CCDC7: variants seen among roughly 807,000 people sequenced by gnomAD.
CCDC7 encodes the protein coiled-coil domain containing 7.
In CCDC7, 183 loss-of-function variants were observed where a neutral mutation model predicts 196.9. The observed-to-expected ratio is 0.93, with a 90% CI of 0.82 to 1.05. The LOEUF is 1.05. Among genes scored for constraint, CCDC7 ranks in the 50% least tolerant of loss-of-function variants. The pLI, the probability that CCDC7 is intolerant of heterozygous loss-of-function variation, is 0.00. For missense variants in CCDC7, 1,540 were observed against 1,482.2 expected (o/e 1.04, Z -0.64); for synonymous variants, 525 against 484.6 (o/e 1.08, Z -1.10).
chr10:32,641,228 A>G (rs2066740213), intron 20 of CCDC7, among the ~76,000 whole-genome samples: 1 of 152,260 alleles, frequency 6.6e-6, no homozygotes, highest in South Asian at 2.1e-4. Context: ...GTTCTCCTGG[A>G]TAATATCCTG....
At chr10:32,543,488 T>C in intron 12 of CCDC7, 103 bp downstream of exon 13, 1 of 1,069,880 alleles carries the variant, frequency 9.3e-7, no homozygotes, top group African/African-American at 1.7e-5. Context: ...ATGAATAATC[T>C]TTTAAAAACA....
At chr10:32,861,372 C>A (rs61856628) in intron 41 of CCDC7, among the ~76,000 whole-genome samples, 1 of 151,492 alleles carries the variant, frequency 6.6e-6, no homozygotes, top group Non-Finnish European at 1.5e-5. Flanking sequence ...TAGTCATATG[C>A]AGAAAACTGA....
chr10:32,759,567 TCCTTACA>T (rs2077079001), intron 28 of CCDC7, among the ~76,000 whole-genome samples: 1 of 152,136 alleles, frequency 6.6e-6, no homozygotes. Context: ...CTGGATCCCT[TCCTTACA>T]CCTTATACAA....
At chr10:32,881,373 CTT>C (rs1240984161), downstream of CCDC7, among the ~76,000 whole-genome samples, 2 of 152,092 alleles carry the variant, frequency 1.3e-5, no homozygotes, top group Non-Finnish European at 2.9e-5. Flanking sequence ...TTAATTATAA[CTT>C]AAAGGATATA....
chr10:32,680,012 G>C (rs1183747159), intron 21 of CCDC7, among the ~76,000 whole-genome samples: 1 of 152,202 alleles, frequency 6.6e-6, no homozygotes, highest in African/African-American at 2.4e-5. Flanking sequence ...AAAGGCCAAA[G>C]AGCTGTTGTT....
At chr10:32,818,761 A>G (rs935680435) in intron 31 of CCDC7, among the ~76,000 whole-genome samples, 19 of 152,230 alleles carry the variant, frequency 1.2e-4, no homozygotes, top group Non-Finnish European at 2.4e-4. Context: ...GTTCTTTGAA[A>G]CCAATGAGAA....
intron 27 of CCDC7, 98 bp from the exon 29 acceptor site, chr10:32,729,234 T>G: frequency 1.6e-6 from 2 of 1,235,094 alleles, no homozygotes; most frequent in Non-Finnish European, 1.1e-6. Flanking sequence ...ATGAAAACTA[T>G]TCACATGATT....
chr10:32,606,492 C>T (rs1218034647), intron 18 of CCDC7, among the ~76,000 whole-genome samples: 2 of 152,374 alleles, frequency 1.3e-5, no homozygotes, highest in East Asian at 1.9e-4. Flanking sequence ...AGGCACTCAA[C>T]TCCAACCTGT....
chr10:32,585,837 A>G (rs1422920924), intron 18 of CCDC7, among the ~76,000 whole-genome samples: 1 of 152,120 alleles, frequency 6.6e-6, no homozygotes. Flanking sequence ...GTAAACATAC[A>G]TGTGCATGTG....
intron 13 of CCDC7, among the ~76,000 whole-genome samples, chr10:32,563,503 A>G (rs1158319066): frequency 1.3e-5 from 2 of 152,230 alleles, no homozygotes; most frequent in Non-Finnish European, 2.9e-5. Flanking sequence ...CCACATATCT[A>G]CAACTATCTG....
chr10:32,688,848 G>A (rs1206756887), intron 22 of CCDC7, among the ~76,000 whole-genome samples: 1 of 152,104 alleles, frequency 6.6e-6, no homozygotes, highest in South Asian at 2.1e-4. Context: ...CAAAGTGCAG[G>A]AATATTGATA....
chr10:32,511,265 G>GT, intron 9 of CCDC7: 1 of 542,388 alleles, frequency 1.8e-6, no homozygotes, highest in Non-Finnish European at 3.2e-6. Flanking sequence ...GGGGGGCGGG[G>GT]GGGGCGGGGA....
intron 24 of CCDC7, among the ~76,000 whole-genome samples, chr10:32,704,425 G>T (rs895281505): frequency 6.6e-6 from 1 of 152,076 alleles, no homozygotes; most frequent in African/African-American, 2.4e-5. Context: ...CCCTACTGGG[G>T]GGTGCCTCCC....
exon 41 of CCDC7, chr10:32,854,462 A>C (rs2093675442): frequency 1.2e-6 from 2 of 1,602,500 alleles, no homozygotes; most frequent in African/African-American, 1.3e-5. Context: ...TACTGTGACC[A>C]ATACAGTTGG....
chr10:32,831,778 T>G (rs989508632), intron 32 of CCDC7, among the ~76,000 whole-genome samples: 3 of 152,166 alleles, frequency 2.0e-5, no homozygotes, highest in African/African-American at 7.2e-5. Flanking sequence ...TAACGATGCC[T>G]TCTTCTGGAA....
upstream of CCDC7, among the ~76,000 whole-genome samples, chr10:32,445,577 A>C (rs1037713872): frequency 2.0e-5 from 3 of 152,334 alleles, no homozygotes; most frequent in Admixed American, 6.5e-5. Flanking sequence ...CAAAATTAAT[A>C]TATTTCTTGA....
At chr10:32,499,397 A>C (rs1211399300) in intron 9 of CCDC7, 1 of 152,124 alleles carries the variant, frequency 6.6e-6, no homozygotes, top group African/African-American at 2.4e-5. Flanking sequence ...GTTTTCTAAA[A>C]TTATTGTGAT....
intron 18 of CCDC7, among the ~76,000 whole-genome samples, chr10:32,588,201 ATTTCT>A (rs1185865526): frequency 1.3e-5 from 2 of 152,178 alleles, no homozygotes; most frequent in Non-Finnish European, 2.9e-5. Flanking sequence ...TAAGAAATAA[ATTTCT>A]TTTCTTTACA....
intron 11 of CCDC7, among the ~76,000 whole-genome samples, chr10:32,532,230 G>T (rs2049792532): frequency 6.6e-6 from 1 of 151,878 alleles, no homozygotes; most frequent in Admixed American, 6.6e-5. Flanking sequence ...TTGGTATGTT[G>T]TATTCCCATT....
Sources: allele counts gnomAD v4.1 joint callset (sites outside exome capture counted in the v4.1 genomes callset), GRCh38; gene constraint gnomAD v4.1.1; transcripts MANE v1.5; gene names NCBI Gene and HGNC (gene_info 2026-07-23, HGNC 2026-07-21).